The following COL26A1 variants were observed in gnomAD, a reference collection of about 807,000 sequenced individuals.
The protein encoded by COL26A1 is collagen type XXVI alpha 1 chain.
A neutral mutation model predicts 59.3 loss-of-function variants in COL26A1; 41 were observed. The observed-to-expected ratio is 0.69, with a 90% CI of 0.54 to 0.90. The LOEUF (loss-of-function observed/expected upper bound fraction) is 0.90. Among genes scored for constraint, COL26A1 ranks in the 40% least tolerant of loss-of-function variants. COL26A1 has a pLI of 0.00. For missense variants in COL26A1, 612 were observed against 602.3 expected (o/e 1.02, Z -0.17); for synonymous variants, 266 against 256.0 (o/e 1.04, Z -0.37).
chr7:101,364,852 G>A (rs1791003368), intron 1 of COL26A1, among the ~76,000 whole-genome samples: 1 of 152,152 alleles, frequency 6.6e-6, no homozygotes, highest in South Asian at 2.1e-4. Context: ...TTACAGGCGT[G>A]AGCCACCACG....
intron 6 of COL26A1, 21 bp downstream of exon 6, chr7:101,544,117 T>C (rs778259047): frequency 1.3e-6 from 2 of 1,564,302 alleles, no homozygotes; most frequent in Non-Finnish European, 1.7e-6. Context: ...CCCCCACATA[T>C]GTGATGTTGT....
At chr7:101,517,166 G>A (rs931481308) in intron 3 of COL26A1, among the ~76,000 whole-genome samples, 1 of 152,038 alleles carries the variant, frequency 6.6e-6, no homozygotes, top group Non-Finnish European at 1.5e-5. Context: ...CTGCCCTAGG[G>A]AAGCTGAGCC....
At chr7:101,456,401 G>A (rs749274232) in intron 3 of COL26A1, among the ~76,000 whole-genome samples, 11 of 151,884 alleles carry the variant, frequency 7.2e-5, no homozygotes, top group Admixed American at 1.3e-4. Context: ...CTGTCTGGGC[G>A]CGGTGTCTCA....
intron 3 of COL26A1, among the ~76,000 whole-genome samples, chr7:101,514,817 C>T (rs1429963049): frequency 6.6e-6 from 1 of 152,224 alleles, no homozygotes; most frequent in Non-Finnish European, 1.5e-5. Context: ...TCTGCATCTC[C>T]AGCTACCCAT....
chr7:101,460,721 C>T (rs944651080), intron 3 of COL26A1, among the ~76,000 whole-genome samples: 5 of 151,368 alleles, frequency 3.3e-5, no homozygotes, highest in African/African-American at 1.2e-4. Flanking sequence ...GCGGAGGTTC[C>T]AATAAGCCGA....
intron 1 of COL26A1, among the ~76,000 whole-genome samples, chr7:101,415,998 G>C (rs1391994046): frequency 7.0e-6 from 1 of 143,816 alleles, no homozygotes; most frequent in Non-Finnish European, 1.6e-5. Flanking sequence ...TTGTCCAGTA[G>C]TCAGGATTTT....
At chr7:101,441,073 T>C (rs1385701949) in intron 2 of COL26A1, among the ~76,000 whole-genome samples, 2 of 152,096 alleles carry the variant, frequency 1.3e-5, no homozygotes, top group East Asian at 1.9e-4. Context: ...GATCAGTCCC[T>C]GTGTGTAGAT....
At chr7:101,416,692 T>C (rs1792376111) in intron 1 of COL26A1, among the ~76,000 whole-genome samples, 1 of 143,808 alleles carries the variant, frequency 7.0e-6, no homozygotes, top group Admixed American at 7.1e-5. Context: ...ATTCTGTTTT[T>C]CATAGTCATA....
chr7:101,453,238 G>A (rs974230483), intron 3 of COL26A1, among the ~76,000 whole-genome samples: 4 of 152,256 alleles, frequency 2.6e-5, no homozygotes, highest in East Asian at 1.9e-4. Flanking sequence ...GTGGTGGCAC[G>A]TGCCCGTAGC....
In COL26A1 at chr7:101,385,933, G is replaced by A. The variant is rs186792991; in HGVS notation, c.158+22743G>A. 4.3e-3 allele frequency among the ~76,000 whole-genome samples: 644 copies of A among 151,452 alleles called. 4 individuals carry two copies. The highest frequency in any genetic ancestry group is 0.015 in the African/African-American group (606 of 41,302). ...GCTAGTAGTTAGCTAGGATGGTCTC[G>A]ATCTCCTGACCTCGTGATCTGCCTG... On this transcript the variant is annotated intron_variant, in intron 1 of 12. Transcript: ENST00000313669.
chr7:101,502,035 C>T (rs1794717161), intron 3 of COL26A1, among the ~76,000 whole-genome samples: 1 of 152,200 alleles, frequency 6.6e-6, no homozygotes, highest in Non-Finnish European at 1.5e-5. Flanking sequence ...AGCCAGGCTC[C>T]CTAGAAAAAT....
intron 1 of COL26A1, among the ~76,000 whole-genome samples, chr7:101,409,427 G>A (rs753277783): frequency 7.2e-5 from 11 of 152,300 alleles, no homozygotes; most frequent in Middle Eastern, 3.4e-3. Flanking sequence ...GTCTTCTCTG[G>A]AGTTTCTTAT....
intron 3 of COL26A1, among the ~76,000 whole-genome samples, chr7:101,494,575 A>G (rs1014306139): frequency 6.6e-6 from 1 of 152,266 alleles, no homozygotes; most frequent in Non-Finnish European, 1.5e-5. Context: ...CTAAGAGCCT[A>G]GGTTACAGAC....
In COL26A1 at chr7:101,539,921, C is replaced by T; in HGVS notation, c.476C>T (p.Pro159Leu). The change falls in exon 5 of 13, where the codon CCC (proline) becomes CTC (leucine). Residue 159 changes from proline (P) to leucine (L), a missense_variant. Physicochemically the swap from Pro to Leu is moderately conservative, Grantham distance 98. Coordinates refer to ENST00000313669, the MANE Select transcript of COL26A1 (RefSeq NM_001278563.3). The stretch of plus-strand genomic sequence containing the variant: ...CTCCTGCTAGAAGCAGCAGAACGGC[C>T]CTCCAGCCCGGACAACGACCTGCCA... ...KVLLLEAAER[P>L]SSPDNDLPAP... The T allele has an allele frequency of 6.2e-7, 1 of 1,613,290 alleles. No homozygotes were observed. The highest frequency in any genetic ancestry group is 8.5e-7 in the Non-Finnish European group (1 of 1,179,624).
At chr7:101,552,768 A>C (rs1795886793) in intron 10 of COL26A1, among the ~76,000 whole-genome samples, 1 of 150,616 alleles carries the variant, frequency 6.6e-6, no homozygotes, top group South Asian at 2.1e-4. Flanking sequence ...TTAGCCAGAC[A>C]TGGTGGCGCA....
intron 3 of COL26A1, among the ~76,000 whole-genome samples, chr7:101,528,890 G>A (rs6946248): frequency 0.26 from 39,334 of 152,042 alleles, 5,732 homozygotes; most frequent in African/African-American, 0.4. Flanking sequence ...TTAAGGCTAG[G>A]TGCTGTGGCT....
At chr7:101,457,186 A>G (rs548542166) in intron 3 of COL26A1, among the ~76,000 whole-genome samples, 11 of 152,262 alleles carry the variant, frequency 7.2e-5, no homozygotes, top group African/African-American at 2.4e-4. Context: ...GTGCAAGGCT[A>G]CAGGACTGGT....
intron 3 of COL26A1, among the ~76,000 whole-genome samples, chr7:101,518,077 G>C (rs1318618664): frequency 6.6e-6 from 1 of 152,058 alleles, no homozygotes; most frequent in Non-Finnish European, 1.5e-5. Flanking sequence ...ACCTCCCAAA[G>C]TACTGGGATT....
chr7:101,436,165 T>A (rs1364347591), intron 2 of COL26A1, among the ~76,000 whole-genome samples: 1 of 151,812 alleles, frequency 6.6e-6, no homozygotes, highest in Non-Finnish European at 1.5e-5. Flanking sequence ...TGAGGTGAGG[T>A]TTGGCAGAAG....
Sources: gnomAD v4.1 joint callset for allele counts (sites outside exome capture counted in the v4.1 genomes callset) on GRCh38, gnomAD v4.1.1 for gene constraint, MANE v1.5 for transcripts, NCBI Gene and HGNC (gene_info 2026-07-23, HGNC 2026-07-21) for gene names.